ARSK: variants seen among roughly 807,000 people sequenced by gnomAD.
The protein encoded by ARSK is arylsulfatase K.
In ARSK, 37 loss-of-function variants were observed where a neutral mutation model predicts 53.2. The ratio of observed to expected loss-of-function variants is 0.70; its 90% CI spans 0.54 to 0.92. The LOEUF is 0.92. Ranked by LOEUF, ARSK falls within the 40% of genes least tolerant of loss-of-function variation. The pLI is 0.00. For missense variants in ARSK, 613 were observed against 643.0 expected (o/e 0.95, Z 0.51); for synonymous variants, 208 against 223.2 (o/e 0.93, Z 0.61).
At chr5:95,590,675 T>C (rs1409371179) in intron 5 of ARSK, among the ~76,000 whole-genome samples, 4 of 152,170 alleles carry the variant, frequency 2.6e-5, no homozygotes, top group Non-Finnish European at 4.4e-5. Flanking sequence ...TCTACCCAGA[T>C]TCAGGAACTG....
At chr5:95,576,489 G>C (rs1405049009) in intron 3 of ARSK, among the ~76,000 whole-genome samples, 4 of 151,750 alleles carry the variant, frequency 2.6e-5, no homozygotes, top group African/African-American at 9.7e-5. Context: ...GAGCCATTGT[G>C]CCCAGCCAAG....
intron 3 of ARSK, among the ~76,000 whole-genome samples, chr5:95,577,692 G>T (rs1580221984): frequency 6.6e-6 from 1 of 152,056 alleles, no homozygotes; most frequent in African/African-American, 2.4e-5. Flanking sequence ...AAAATGGCTA[G>T]GTGAGATTTC....
intron 1 of ARSK, among the ~76,000 whole-genome samples, chr5:95,565,209 A>G (rs956171890): frequency 2.0e-5 from 3 of 152,092 alleles, no homozygotes; most frequent in African/African-American, 7.2e-5. Flanking sequence ...CATATCTCCA[A>G]CCCAAACATC....
At chr5:95,578,259 C>T (rs1007933818) in intron 3 of ARSK, among the ~76,000 whole-genome samples, 4 of 152,064 alleles carry the variant, frequency 2.6e-5, no homozygotes, top group Non-Finnish European at 5.9e-5. Flanking sequence ...ATAAGTGATC[C>T]TCCCTGGTCA....
chr5:95,579,150 G>A (rs1206389789), intron 3 of ARSK, among the ~76,000 whole-genome samples: 1 of 152,104 alleles, frequency 6.6e-6, no homozygotes, highest in Non-Finnish European at 1.5e-5. Context: ...GAGGATTTCT[G>A]CAGAAAAAAA....
chr5:95,600,722 A>C, intron 6 of ARSK, 125 bp from the exon 7 acceptor site: 1 of 984,398 alleles, frequency 1.0e-6, no homozygotes, highest in Non-Finnish European at 1.6e-6. Context: ...TACAAAATCC[A>C]TATACAATCT....
chr5:95,597,535 G>A (rs977581103), intron 6 of ARSK, among the ~76,000 whole-genome samples: 7 of 152,128 alleles, frequency 4.6e-5, no homozygotes, highest in Non-Finnish European at 7.4e-5. Context: ...CTCTTTACTC[G>A]TTACCAACTG....
rs774752291 is a variant in ARSK, at chr5:95,583,058, T to C, written c.559T>C (p.Leu187=). ...GAATACAGACAAAGCAGTAAACTGG[T>C]TAAGAAAGGAAGCAATTAATTACAC... The part of the protein sequence containing the change: ...WQNTDKAVNW[L]RKEAINYTEP... Residue 187 remains leucine (L), a synonymous_variant, in exon 4 of 8, where the codon TTA becomes CTA. Transcript: ENST00000380009. The C allele has an allele frequency of 7.4e-6, 12 of 1,613,740 alleles. No individual in the cohort carries two copies. In the South Asian group the frequency reaches 1.2e-4, roughly 16 times the overall value.
chr5:95,559,590 C>T (rs1748590904), intron 1 of ARSK, among the ~76,000 whole-genome samples: 1 of 152,214 alleles, frequency 6.6e-6, no homozygotes, highest in Admixed American at 6.5e-5. Context: ...TGTAATACAT[C>T]ATGTTGACTG....
intron 3 of ARSK, among the ~76,000 whole-genome samples, chr5:95,573,247 C>CA (rs1327448338): frequency 4.0e-5 from 6 of 151,482 alleles, no homozygotes; most frequent in African/African-American, 9.7e-5. Flanking sequence ...TTAGAATTAA[C>CA]AAAAAATGTA....
rs529264124 is a variant in ARSK, at chr5:95,557,672, C to A, written c.126+2268C>A. Among the ~76,000 whole-genome samples, 15 of 152,276 alleles carry A rather than the reference C, an allele frequency of 9.9e-5. No homozygotes were observed. The South Asian group carries it at 2.9e-3, about 29-fold the overall frequency. The stretch of plus-strand genomic sequence containing the variant: ...TACCAGTTTGGTATGCTGTTAGATT[C>A]TTGACACTGTGATTTATCATTTCTA... On this transcript the variant is annotated intron_variant, in intron 1 of 7. Transcript: ENST00000380009.
At chr5:95,562,467 G>C (rs1357046775) in intron 1 of ARSK, among the ~76,000 whole-genome samples, 1 of 152,148 alleles carries the variant, frequency 6.6e-6, no homozygotes, top group Admixed American at 6.5e-5. Flanking sequence ...AACACTATAA[G>C]CAGTCTTGCC....
At chr5:95,564,619 T>A (rs555760499) in intron 1 of ARSK, among the ~76,000 whole-genome samples, 1 of 152,312 alleles carries the variant, frequency 6.6e-6, no homozygotes, top group South Asian at 2.1e-4. Context: ...AGTGCTCTTG[T>A]CAGGGTCACC....
chr5:95,573,905 T>C lies in ARSK; in HGVS notation c.416+5856T>C, dbSNP rs182263089. 3.9e-4 allele frequency among the ~76,000 whole-genome samples: 60 copies of C among 152,350 alleles called. 1 individual carries two copies. Among genetic ancestry groups the C allele is most frequent in the African/African-American group, 1.3e-3 (56 of 41,572 alleles). Reference sequence around the variant, plus strand: ...TTATACTCTTAGTCATTTTATAATGTACAATTAAATTATTGACTATAGTCA... The same window carrying C: ...TTATACTCTTAGTCATTTTATAATGCACAATTAAATTATTGACTATAGTCA... On this transcript the variant is annotated intron_variant, in intron 3 of 7. Transcript: ENST00000380009.
chr5:95,595,653 A>C lies in ARSK; in HGVS notation c.1096+4028A>C, dbSNP rs73147968. Among the ~76,000 whole-genome samples, 1,208 of 144,918 alleles carry C rather than the reference A, an allele frequency of 8.3e-3. 17 individuals carry two copies. Among genetic ancestry groups the C allele is most frequent in the African/African-American group, 0.028 (1,116 of 40,040 alleles). ...GGACGTAAAAATGCCAACAAGAAAC[A>C]CTGGGGACTACTAGAAGGGAGAGGG... On this transcript the variant is annotated intron_variant, in intron 6 of 7. Coordinates refer to ENST00000380009, the MANE Select transcript of ARSK (RefSeq NM_198150.3).
chr5:95,585,218 G>C (rs1482980111), intron 4 of ARSK, among the ~76,000 whole-genome samples: 1 of 152,186 alleles, frequency 6.6e-6, no homozygotes, highest in African/African-American at 2.4e-5. Context: ...ATTTCACACT[G>C]CTGGTGGGAA....
chr5:95,603,188 A>C (rs756316350), intron 7 of ARSK, 49 bp from the exon 8 acceptor site: 1 of 1,439,412 alleles, frequency 6.9e-7, no homozygotes, highest in African/African-American at 1.4e-5. Context: ...TTCTAAAAAA[A>C]TTTTTAGCAG....
At chr5:95,591,742 C>A in intron 6 of ARSK, 117 bp downstream of exon 6, 1 of 878,014 alleles carries the variant, frequency 1.1e-6, no homozygotes, top group Non-Finnish European at 1.8e-6. Flanking sequence ...TTGTTTATAA[C>A]CCTGAGCAAC....
intron 1 of ARSK, chr5:95,556,995 G>A (rs1414430647): frequency 6.6e-6 from 1 of 151,306 alleles, no homozygotes; most frequent in Non-Finnish European, 1.5e-5. Flanking sequence ...GGGCGACGGA[G>A]CGAGAGTCCG....
Sources: allele counts gnomAD v4.1 joint callset (sites outside exome capture counted in the v4.1 genomes callset), GRCh38; gene constraint gnomAD v4.1.1; transcripts MANE v1.5; gene names NCBI Gene and HGNC (gene_info 2026-07-23, HGNC 2026-07-21).